The following NEXMIF variants were observed in gnomAD, a reference collection of about 807,000 sequenced individuals.
The protein encoded by NEXMIF is XLMR protein related to neurite extension.
Under a neutral mutation model 62.1 loss-of-function variants are expected in NEXMIF, and 8 were observed. That is an observed-to-expected ratio of 0.13 (90% CI 0.08 to 0.23). NEXMIF has a LOEUF of 0.23. NEXMIF is among the 10% of genes least tolerant of loss of function. The pLI, the probability that NEXMIF is intolerant of heterozygous loss-of-function variation, is 1.00. For missense variants in NEXMIF, 976 were observed against 1,113.3 expected (o/e 0.88, Z 1.75); for synonymous variants, 404 against 416.6 (o/e 0.97, Z 0.37).
intron 1 of NEXMIF, among the ~76,000 whole-genome samples, chrX:74,890,315 T>C (rs757859871): frequency 9.0e-6 from 1 of 110,889 alleles, no homozygotes; most frequent in South Asian, 3.9e-4. Context: ...CCTTTATTAA[T>C]TAGGTACAAC....
intron 1 of NEXMIF, among the ~76,000 whole-genome samples, chrX:74,823,041 C>G (rs185861003): frequency 3.1e-4 from 35 of 112,171 alleles, no homozygotes; most frequent in Non-Finnish European, 4.7e-4. Flanking sequence ...GAAGTACACA[C>G]TATAACATAG....
intron 1 of NEXMIF, among the ~76,000 whole-genome samples, chrX:74,800,193 G>A (rs1473835247): frequency 9.0e-6 from 1 of 111,501 alleles, no homozygotes; most frequent in Non-Finnish European, 1.9e-5. Flanking sequence ...GTAACCTTGG[G>A]AAACTCCCTT....
At chrX:74,886,279 G>C (rs1865884969) in intron 1 of NEXMIF, among the ~76,000 whole-genome samples, 1 of 111,719 alleles carries the variant, frequency 9.0e-6, no homozygotes, top group South Asian at 3.8e-4. Context: ...ATTCAACATA[G>C]TGTTGGAAGT....
At chrX:74,882,615 G>A (rs2080670297) in intron 1 of NEXMIF, among the ~76,000 whole-genome samples, 1 of 112,032 alleles carries the variant, frequency 8.9e-6, no homozygotes, top group Non-Finnish European at 1.9e-5. Context: ...GCCCACCATT[G>A]CTCAGGCTTG....
chrX:74,791,627 A>T (rs1405756173), intron 1 of NEXMIF, among the ~76,000 whole-genome samples: 1 of 110,807 alleles, frequency 9.0e-6, no homozygotes, highest in Non-Finnish European at 1.9e-5. Flanking sequence ...TTGGTTGGTA[A>T]GCTATTGATT....
At chrX:74,765,254 A>AT (rs1448543192) in intron 1 of NEXMIF, among the ~76,000 whole-genome samples, 1 of 111,464 alleles carries the variant, frequency 9.0e-6, no homozygotes, top group Non-Finnish European at 1.9e-5. Context: ...CAACCCCTGC[A>AT]TTTTTCTGAT....
chrX:74,768,231 G>A (rs1410285125), intron 1 of NEXMIF, among the ~76,000 whole-genome samples: 2 of 111,598 alleles, frequency 1.8e-5, no homozygotes, highest in Admixed American at 9.5e-5. Context: ...GGTGAGGGAG[G>A]TTCCCCTGGC....
At chrX:74,831,995 T>C (rs1488579113) in intron 1 of NEXMIF, among the ~76,000 whole-genome samples, 1 of 112,377 alleles carries the variant, frequency 8.9e-6, no homozygotes, top group Non-Finnish European at 1.9e-5. Flanking sequence ...TACTAATGTA[T>C]TGTTGAATTC....
chrX:74,746,852 T>C (rs926679605), intron 1 of NEXMIF, among the ~76,000 whole-genome samples: 10 of 112,863 alleles, frequency 8.9e-5, no homozygotes, highest in Admixed American at 1.9e-4. Flanking sequence ...TCTTCTCATT[T>C]TATATGAGAT....
intron 1 of NEXMIF, among the ~76,000 whole-genome samples, chrX:74,887,604 C>G (rs1235452992): frequency 1.2e-3 from 128 of 111,194 alleles, no homozygotes; most frequent in African/African-American, 3.9e-3. Flanking sequence ...GAGATACCAT[C>G]TCACACCAGT....
At chrX:74,919,699 T>C (rs1428238540) in intron 1 of NEXMIF, among the ~76,000 whole-genome samples, 1 of 110,813 alleles carries the variant, frequency 9.0e-6, no homozygotes, top group Non-Finnish European at 1.9e-5. Flanking sequence ...TACGTATACA[T>C]GTGCCATGCT....
chrX:74,882,980 C>T lies in NEXMIF; in HGVS notation c.-48+41903G>A, dbSNP rs919051071. On this transcript the variant is annotated intron_variant, in intron 1 of 3. Coordinates refer to ENST00000055682, the MANE Select transcript of NEXMIF (RefSeq NM_001008537.3). ...AGGAATGATCAGGGAGCAGCATTTGCGGTTCACCAATATCCGCTGTTCTGC... is the reference window on the plus strand; with the variant it reads ...AGGAATGATCAGGGAGCAGCATTTGTGGTTCACCAATATCCGCTGTTCTGC... Among the ~76,000 whole-genome samples the T allele has an allele frequency of 6.3e-5, 7 of 111,433 alleles. No individual in the cohort carries two copies. In the East Asian group the frequency reaches 1.4e-3, roughly 23 times the overall value.
At chrX:74,924,849 G>A (rs1331513053) in intron 1 of NEXMIF, 34 bp downstream of exon 1, 1 of 114,187 alleles carries the variant, frequency 8.8e-6, no homozygotes, top group Non-Finnish European at 1.9e-5. Flanking sequence ...CCGGCGAGAA[G>A]GCCAGGAAGC....
At chrX:74,876,035 A>C (rs2080631134) in intron 1 of NEXMIF, among the ~76,000 whole-genome samples, 1 of 110,946 alleles carries the variant, frequency 9.0e-6, no homozygotes, top group African/African-American at 3.3e-5. Context: ...GCCTTCTGCT[A>C]GCTTTTGAAT....
intron 1 of NEXMIF, among the ~76,000 whole-genome samples, chrX:74,778,506 C>G (rs907884816): frequency 4.5e-5 from 5 of 111,159 alleles, no homozygotes; most frequent in African/African-American, 1.6e-4. Context: ...CTGCTGTGTG[C>G]TAGAAACTTT....
chrX:74,832,964 T>C (rs980630437), intron 1 of NEXMIF, among the ~76,000 whole-genome samples: 3 of 109,266 alleles, frequency 2.7e-5, no homozygotes, highest in Non-Finnish European at 5.8e-5. Flanking sequence ...TTTTATTCCA[T>C]TGTATGAGAG....
chrX:74,745,274 C>T (rs750523434), intron 2 of NEXMIF, among the ~76,000 whole-genome samples: 6 of 111,266 alleles, frequency 5.4e-5, no homozygotes, highest in African/African-American at 2.0e-4. Context: ...TGAGCCACTG[C>T]GCCCGGCCAC....
chrX:74,924,521 G>C (rs1252031018), intron 1 of NEXMIF, among the ~76,000 whole-genome samples: 1 of 113,175 alleles, frequency 8.8e-6, no homozygotes, highest in African/African-American at 3.2e-5. Context: ...CCCTGGCCAG[G>C]CTCTACCCTG....
chrX:74,736,153 G>A lies in NEXMIF; in HGVS notation c.*3252C>T, dbSNP rs750988777. The A allele has an allele frequency of 1.8e-5, 2 of 111,100 alleles. No homozygotes were observed. Among genetic ancestry groups the A allele is most frequent in the South Asian group, 3.9e-4 (1 of 2,578 alleles). 9.2% of individuals were successfully genotyped at this position (111,100 alleles called of 1,213,427 possible). On this transcript the variant is annotated 3_prime_UTR_variant, in exon 4 of 4. Coordinates refer to ENST00000055682, the MANE Select transcript of NEXMIF (RefSeq NM_001008537.3). Reference sequence around the variant, plus strand: ...AGCAATATATCCATGTAACACAACTGTCCTTGTACCCCTACTCTATAAAAA... The same window carrying A: ...AGCAATATATCCATGTAACACAACTATCCTTGTACCCCTACTCTATAAAAA...
Sources: allele counts gnomAD v4.1 joint callset (sites outside exome capture counted in the v4.1 genomes callset), GRCh38; gene constraint gnomAD v4.1.1; transcripts MANE v1.5; gene names NCBI Gene and HGNC (gene_info 2026-07-23, HGNC 2026-07-21).